Variants in TBC1D26 observed in about 807,000 individuals in gnomAD.
The protein encoded by TBC1D26 is TBC1 domain family, member 26.
A neutral mutation model predicts 42.5 loss-of-function variants in TBC1D26; 19 were observed. The ratio of observed to expected loss-of-function variants is 0.45; its 90% confidence interval spans 0.31 to 0.66. The LOEUF is 0.66. Among genes scored for constraint, TBC1D26 ranks in the 30% least tolerant of loss-of-function variants. The pLI, the probability that TBC1D26 is intolerant of heterozygous loss-of-function variation, is 0.06. For missense variants in TBC1D26, 228 were observed against 332.6 expected (o/e 0.69, Z 2.45); for synonymous variants, 97 against 123.5 (o/e 0.79, Z 1.42).
chr17:15,741,964 C>T lies in TBC1D26; in HGVS notation c.669C>T (p.Ala223=). The change falls in exon 11 of 15, where the codon GCC becomes GCT. Residue 223 remains alanine (A), a synonymous_variant. Coordinates refer to ENST00000437605, the MANE Select transcript of TBC1D26 (RefSeq NM_001388465.1). ...LLAVFYSPNT[A]WLERLLSHQE... ...CAGTATTCTACAGCCCAAATACTGC[C>T]TGGCTCGAGAGGCTCCTATCGCACC... is the stretch of plus-strand genomic sequence containing the variant. 2 of 1,614,104 alleles carry T rather than the reference C, an allele frequency of 1.2e-6. No homozygotes were observed. The highest frequency in any genetic ancestry group is 2.2e-5 in the South Asian group (2 of 91,072).
Position 15,738,336 on chromosome 17 carries a change from A to C in TBC1D26, c.336A>C (p.Ser112=), listed in dbSNP as rs1967680828. Residue 112 remains serine, a synonymous_variant, in exon 7 of 15, where the codon TCA becomes TCC. Coordinates refer to ENST00000437605, the MANE Select transcript of TBC1D26 (RefSeq NM_001388465.1). ...TGGCGGTACGGGGCCGGGCGTGGTC[A>C]CTTTTGCTAGATATTGACAGAATCA... ...IPLAVRGRAW[S]LLLDIDRIKS... is the part of the protein sequence containing the mutation. The C allele has an allele frequency of 6.2e-7, 1 of 1,613,724 alleles. No individual in the cohort carries two copies.
At chr17:15,737,814 T>C (rs1172391468) in intron 5 of TBC1D26, 183 bp from the exon 6 acceptor site, 3 of 842,810 alleles carry the variant, frequency 3.6e-6, no homozygotes, top group Admixed American at 2.7e-5. Context: ...TGGCATGTCA[T>C]GGCATCACCA....
At position 15,743,521 on chromosome 17, in the gene TBC1D26, G is replaced by T; in HGVS notation, c.1057+5G>T. 1.0e-6 allele frequency: 1 copy of T among 999,420 alleles called. No homozygotes were observed. The allele number at this position is 999,420 out of a possible 1,614,324, so 61.9% of individuals were successfully genotyped here. Reference sequence around the variant, plus strand: ...ACTGGGACCTGCCACCCCCAGGTGGGCTCTAGCACCAGGTACCCTCTGGAG... The same window carrying T: ...ACTGGGACCTGCCACCCCCAGGTGGTCTCTAGCACCAGGTACCCTCTGGAG... On this transcript the variant is annotated splice_donor_5th_base_variant and intron_variant, in intron 14 of 14. Coordinates refer to ENST00000437605, the MANE Select transcript of TBC1D26 (RefSeq NM_001388465.1).
intron 4 of TBC1D26, among the ~76,000 whole-genome samples, chr17:15,737,233 C>T (rs1419067158): frequency 6.6e-6 from 1 of 152,216 alleles, no homozygotes; most frequent in Non-Finnish European, 1.5e-5. Flanking sequence ...CATTGTGCAG[C>T]CCAAGGCACC....
At chr17:15,738,206 C>A in intron 6 of TBC1D26, 74 bp from the exon 7 acceptor site, 2 of 1,605,356 alleles carry the variant, frequency 1.2e-6, no homozygotes, top group Non-Finnish European at 1.7e-6. Flanking sequence ...CATAGGACTG[C>A]AGGCCTGTTC....
chr17:15,734,404 T>C (rs988653261), intron 1 of TBC1D26, among the ~76,000 whole-genome samples: 2 of 152,100 alleles, frequency 1.3e-5, no homozygotes, highest in African/African-American at 2.4e-5. Flanking sequence ...TGATGGTTGC[T>C]GTGGGACCCA....
rs984362817 is a variant in TBC1D26, at chr17:15,741,867, G to A, written c.647-75G>A. The A allele has an allele frequency of 9.4e-6, 14 of 1,495,052 alleles. No individual in the cohort carries two copies. In the Admixed American group the frequency reaches 2.4e-4, roughly 26 times the overall value. 92.6% of individuals were successfully genotyped at this position (1,495,052 alleles called of 1,614,324 possible). A position where few individuals can be genotyped will look rare whatever the true frequency, so the allele number is the denominator to read the frequency against. ...CTCGGGGTCTGGGGTCCCCTGCCCTGCCCAGCTCTTCCAGCTGATGCCTCC... is the reference window on the plus strand; with the variant it reads ...CTCGGGGTCTGGGGTCCCCTGCCCTACCCAGCTCTTCCAGCTGATGCCTCC... On this transcript the variant is annotated intron_variant, in intron 10 of 14. Transcript: ENST00000437605.
intron 14 of TBC1D26, 35 bp downstream of exon 14, chr17:15,743,551 C>T (rs971904837): frequency 1.4e-5 from 13 of 927,002 alleles, no homozygotes; most frequent in African/African-American, 1.8e-5. Flanking sequence ...CTGGAGTCAC[C>T]CTCTGGGGCA....
chr17:15,737,267 C>A (rs536022967), intron 4 of TBC1D26, among the ~76,000 whole-genome samples: 29 of 152,352 alleles, frequency 1.9e-4, no homozygotes, highest in South Asian at 1.0e-3. Context: ...GTGTCCCCCC[C>A]ACCCAGGGCC....
At chr17:15,742,618 G>A in intron 12 of TBC1D26, 139 bp downstream of exon 12, 1 of 171,220 alleles carries the variant, frequency 5.8e-6, no homozygotes, top group Non-Finnish European at 1.2e-5. Context: ...TCCCATGGCA[G>A]AGGCCAGGGC....
rs550706199 is a variant in TBC1D26, at chr17:15,738,004, G to T, written c.206G>T (p.Arg69Leu). 84 of 1,614,114 alleles carry T rather than the reference G, an allele frequency of 5.2e-5. No homozygotes were observed. The South Asian group carries it at 8.7e-4, about 17-fold the overall frequency. Reference sequence around the variant, plus strand: ...TCATGGCTCATTTGACAGCAAAGACGCAAGGAAAGTAAACGTACCAACAAG... The same window carrying T: ...TCATGGCTCATTTGACAGCAAAGACTCAAGGAAAGTAAACGTACCAACAAG... ...HVSALEVKQR[R>L]KESKRTNKWQ... Residue 69 changes from arginine to leucine, a missense_variant, in exon 6 of 15, where the codon CGC becomes CTC. By Grantham distance (102) the Arg-to-Leu change is moderately radical. This residue lies in a region of TBC1D26 where 72 missense variants were observed against 90.1 expected (regional missense o/e 0.80). Coordinates refer to ENST00000437605, the MANE Select transcript of TBC1D26 (RefSeq NM_001388465.1).
In TBC1D26 at chr17:15,738,859, C is replaced by G. The variant is rs145923883; in HGVS notation, c.497+29C>G. On this transcript the variant is annotated intron_variant, in intron 8 of 14. Transcript: ENST00000437605. ...AGGCCAATGGGGCTTGCAGGGGTCCCAGGGAAGATGGGGCAATCCAGAGGA... is the reference window on the plus strand; with the variant it reads ...AGGCCAATGGGGCTTGCAGGGGTCCGAGGGAAGATGGGGCAATCCAGAGGA... 1.6e-3 allele frequency: 2,564 copies of G among 1,607,554 alleles called. 35 individuals are homozygous for G. The African/African-American group carries it at 0.031, about 19-fold the overall frequency.
chr17:15,735,463 G>A (rs375419872), intron 3 of TBC1D26, 40 bp downstream of exon 3: 139 of 1,585,010 alleles, frequency 8.8e-5, no homozygotes, highest in Non-Finnish European at 1.1e-4. Context: ...GCAGGGCCTC[G>A]CCTCTCCCGC....
intron 14 of TBC1D26, chr17:15,743,742 G>A (rs1216402897): frequency 6.6e-6 from 1 of 152,576 alleles, no homozygotes; most frequent in African/African-American, 2.4e-5. Context: ...TGGATTACGA[G>A]GTCAGGAGAT....
At chr17:15,739,705 G>A (rs1967719975) in intron 8 of TBC1D26, among the ~76,000 whole-genome samples, 1 of 152,292 alleles carries the variant, frequency 6.6e-6, no homozygotes, top group South Asian at 2.1e-4. Flanking sequence ...GGCTGCAAAG[G>A]GGACGTGCTG....
At chr17:15,739,049 C>G (rs890430132) in intron 8 of TBC1D26, among the ~76,000 whole-genome samples, 15 of 143,880 alleles carry the variant, frequency 1.0e-4, no homozygotes, top group African/African-American at 3.9e-4. Flanking sequence ...AGGTGACTCC[C>G]AAGGAGACGG....
At chr17:15,741,908 G>T (rs1967794702) in intron 10 of TBC1D26, 34 bp from the exon 11 acceptor site, 1 of 1,608,100 alleles carries the variant, frequency 6.2e-7, no homozygotes, top group African/African-American at 1.3e-5. Context: ...TTGGGCGTGG[G>T]GTCTGATGGG....
chr17:15,733,367 T>A (rs561274684), intron 1 of TBC1D26, among the ~76,000 whole-genome samples: 137 of 151,588 alleles, frequency 9.0e-4, no homozygotes, highest in African/African-American at 3.2e-3. Flanking sequence ...GAGGAGGAGG[T>A]GAAAAAATGT....
chr17:15,741,825 A>AT, intron 10 of TBC1D26, 117 bp from the exon 11 acceptor site: 1 of 927,998 alleles, frequency 1.1e-6, no homozygotes, highest in Non-Finnish European at 1.7e-6. Flanking sequence ...GGGTCACCAC[A>AT]TGGGAGGGAG....
Sources: allele counts gnomAD v4.1 joint callset (sites outside exome capture counted in the v4.1 genomes callset), GRCh38; gene constraint gnomAD v4.1.1; regional missense constraint gnomAD v4.1.1; transcripts MANE v1.5; gene names NCBI Gene and HGNC (gene_info 2026-07-23, HGNC 2026-07-21).